NELL2: variants seen among roughly 807,000 people sequenced by gnomAD.
NELL2 encodes the protein protein kinase C-binding protein NELL2.
NELL2 carries 41 observed loss-of-function variants against 109.6 expected under a neutral mutation model. The ratio of observed to expected loss-of-function variants is 0.37; its 90% CI spans 0.29 to 0.49. The LOEUF is 0.49. NELL2 is among the 20% of genes least tolerant of loss of function. The pLI is 0.98. For synonymous variants in NELL2, 355 were observed against 344.7 expected, an observed-to-expected ratio of 1.03 and a Z score of -0.33; for missense variants, 900 against 1,008.3, an observed-to-expected ratio of 0.89 and a Z score of 1.45.
intron 3 of NELL2, among the ~76,000 whole-genome samples, chr12:44,802,816 CA>C (rs1298892667): frequency 2.0e-5 from 3 of 151,926 alleles, no homozygotes; most frequent in Non-Finnish European, 4.4e-5. Flanking sequence ...TCAATTTTAT[CA>C]TTTTATCCAT....
rs576473355 is a variant in NELL2, at chr12:44,717,221, A to G, written c.995-2480T>C. Among the ~76,000 whole-genome samples the G allele has an allele frequency of 2.0e-5, 3 of 152,294 alleles. No homozygotes were observed. The South Asian group carries it at 6.2e-4, about 32-fold the overall frequency. ...AGAGGAGAAATGTGAAGAAATTCAAAAAAGATATAATGATTCCTAAAAACA... is the reference window on the plus strand; with the variant it reads ...AGAGGAGAAATGTGAAGAAATTCAAGAAAGATATAATGATTCCTAAAAACA... On this transcript the variant is annotated intron_variant, in intron 9 of 19. Coordinates refer to ENST00000429094, the MANE Select transcript of NELL2 (RefSeq NM_001145108.2).
intron 3 of NELL2, among the ~76,000 whole-genome samples, chr12:44,788,741 C>A (rs1330190792): frequency 6.6e-6 from 1 of 152,190 alleles, no homozygotes; most frequent in Non-Finnish European, 1.5e-5. Context: ...TCTTTTGCAG[C>A]TGGGAGGTGG....
chr12:44,618,841 T>C (rs1414465994), intron 13 of NELL2, among the ~76,000 whole-genome samples: 1 of 152,240 alleles, frequency 6.6e-6, no homozygotes, highest in African/African-American at 2.4e-5. Context: ...TGCAAAGCAC[T>C]GTGCTAAGTG....
chr12:44,894,497 A>C (rs1158129372), intron 1 of NELL2, among the ~76,000 whole-genome samples: 1 of 152,188 alleles, frequency 6.6e-6, no homozygotes, highest in African/African-American at 2.4e-5. Flanking sequence ...CAGCTACAAC[A>C]ATTTATTCTG....
chr12:44,533,256 C>T (rs920487643), intron 15 of NELL2, among the ~76,000 whole-genome samples: 2 of 152,118 alleles, frequency 1.3e-5, no homozygotes, highest in Admixed American at 6.6e-5. Flanking sequence ...TCCTTACTTA[C>T]CTGGGATGGA....
At chr12:44,584,827 G>A (rs1944438981) in intron 15 of NELL2, among the ~76,000 whole-genome samples, 1 of 152,218 alleles carries the variant, frequency 6.6e-6, no homozygotes, top group Admixed American at 6.5e-5. Context: ...GAATCCATTA[G>A]CTCTCTGGTA....
chr12:44,552,109 G>C (rs141045642), intron 15 of NELL2, among the ~76,000 whole-genome samples: 36 of 152,264 alleles, frequency 2.4e-4, no homozygotes, highest in Middle Eastern at 3.4e-3. Context: ...TGATGTCTGG[G>C]ATGCAAAGTA....
chr12:44,774,982 G>C lies in NELL2; in HGVS notation c.892-133C>G, dbSNP rs1399760051. 3 of 634,950 alleles carry C rather than the reference G, an allele frequency of 4.7e-6. No individual in the cohort carries two copies. The African/African-American group carries it at 5.6e-5, about 12-fold the overall frequency. 39.3% of individuals were successfully genotyped at this position (634,950 alleles called of 1,614,324 possible). ...AACAGGCCATTCATTGCCAGGAGGGGAGGCGGTGCTGACAATCACCACAAG... is the reference window on the plus strand; with the variant it reads ...AACAGGCCATTCATTGCCAGGAGGGCAGGCGGTGCTGACAATCACCACAAG... On this transcript the variant is annotated intron_variant, in intron 8 of 19. Transcript: ENST00000429094.
intron 9 of NELL2, among the ~76,000 whole-genome samples, chr12:44,759,246 T>G (rs2136544672): frequency 6.6e-6 from 1 of 152,332 alleles, no homozygotes; most frequent in African/African-American, 2.4e-5. Context: ...TACAAGTTTT[T>G]CTATCCCTGT....
At chr12:44,796,270 G>A (rs1391153368) in intron 3 of NELL2, among the ~76,000 whole-genome samples, 2 of 151,968 alleles carry the variant, frequency 1.3e-5, no homozygotes, top group African/African-American at 2.4e-5. Flanking sequence ...ATTTCAGGAT[G>A]GGTTTTAACT....
chr12:44,776,386 TAA>T (rs1165967776), intron 7 of NELL2, among the ~76,000 whole-genome samples: 2 of 152,226 alleles, frequency 1.3e-5, no homozygotes, highest in Non-Finnish European at 2.9e-5. Flanking sequence ...ACATAATTTA[TAA>T]GACATAAATC....
chr12:44,600,559 A>C (rs1945181769), intron 15 of NELL2, among the ~76,000 whole-genome samples: 1 of 152,260 alleles, frequency 6.6e-6, no homozygotes, highest in African/African-American at 2.4e-5. Flanking sequence ...TAAAAAAATC[A>C]GAATTTATGA....
intron 19 of NELL2, among the ~76,000 whole-genome samples, chr12:44,517,944 C>T (rs914597175): frequency 6.6e-6 from 1 of 152,088 alleles, no homozygotes; most frequent in African/African-American, 2.4e-5. Flanking sequence ...ATGCTTACCT[C>T]TAATGCAATA....
At chr12:44,748,990 A>T (rs1027980628) in intron 9 of NELL2, among the ~76,000 whole-genome samples, 6 of 152,194 alleles carry the variant, frequency 3.9e-5, no homozygotes, top group Non-Finnish European at 7.4e-5. Flanking sequence ...TCTGATACAG[A>T]GATCTCAGTA....
intron 11 of NELL2, among the ~76,000 whole-genome samples, chr12:44,705,866 G>A (rs575948515): frequency 2.0e-5 from 3 of 152,200 alleles, no homozygotes; most frequent in African/African-American, 4.8e-5. Flanking sequence ...GACTAAGAAC[G>A]GATACCATTT....
intron 1 of NELL2, among the ~76,000 whole-genome samples, chr12:44,897,642 C>A (rs926280345): frequency 6.6e-6 from 1 of 152,258 alleles, no homozygotes; most frequent in East Asian, 1.9e-4. Flanking sequence ...GGGATTCCCT[C>A]GGGTGCCTAC....
chr12:44,711,061 G>T (rs1471369887), intron 11 of NELL2, among the ~76,000 whole-genome samples: 1 of 152,074 alleles, frequency 6.6e-6, no homozygotes, highest in Non-Finnish European at 1.5e-5. Flanking sequence ...GCTTGAGACA[G>T]GTTCAAGACA....
At chr12:44,561,100 T>G (rs889277273) in intron 15 of NELL2, among the ~76,000 whole-genome samples, 1 of 152,180 alleles carries the variant, frequency 6.6e-6, no homozygotes, top group East Asian at 1.9e-4. Context: ...TCTCAATAGA[T>G]GCAGAAAGGC....
At chr12:44,791,121 G>GTATATATATATATGTATATATATATGTA (rs1942396901) in intron 3 of NELL2, among the ~76,000 whole-genome samples, 1 of 24,212 alleles carries the variant, frequency 4.1e-5, no homozygotes, top group African/African-American at 1.2e-4. Context: ...ATATATATAT[G>GTATATATATATATGTATATATATATGTA]TATATATATA....
Sources: allele counts gnomAD v4.1 joint callset (sites outside exome capture counted in the v4.1 genomes callset), GRCh38; gene constraint gnomAD v4.1.1; transcripts MANE v1.5; gene names NCBI Gene and HGNC (gene_info 2026-07-23, HGNC 2026-07-21).